Variants in SBNO1 observed in about 807,000 individuals in gnomAD.
SBNO1 encodes the protein protein strawberry notch homolog 1.
Under a neutral mutation model 173.6 loss-of-function variants are expected in SBNO1, and 23 were observed. That is an observed-to-expected ratio of 0.13 (90% CI 0.10 to 0.19). The LOEUF is 0.19. SBNO1 is among the 10% of genes least tolerant of loss of function. The probability of loss-of-function intolerance (pLI) is 1.00; values close to 1 mark genes in which losing one functional copy is unlikely to be tolerated. For synonymous variants in SBNO1, 632 were observed against 571.5 expected, an observed-to-expected ratio of 1.11 and a Z score of -1.51; for missense variants, 1,238 against 1,671.2, an observed-to-expected ratio of 0.74 and a Z score of 4.52.
rs2138965419 is a variant in SBNO1 at position 123,320,722 on chromosome 12, G to A, written c.2468C>T (p.Ser823Leu). Residue 823 changes from serine to leucine, a missense_variant, in exon 18 of 32, where the codon TCA becomes TTA. Ser to Leu is a moderately radical substitution (Grantham distance 145, BLOSUM62 -2). Around this residue, in one of 14 missense-constraint regions of SBNO1, gnomAD observed 74 missense variants for 68.5 expected, o/e 1.08. Coordinates refer to ENST00000602398, the MANE Select transcript of SBNO1 (RefSeq NM_001167856.3). ...RPSFSSTPVI[S>L]PAPNSTPANS... ...ACCTGGTGTACTGTTAGGAGCAGGT[G>A]AGATAACTGGTGTAGATGAAAAACT... 1 of 1,609,498 alleles carries A rather than the reference G, an allele frequency of 6.2e-7. No individual in the cohort carries two copies. Among genetic ancestry groups the A allele is most frequent in the East Asian group, 2.2e-5 (1 of 44,850 alleles).
chr12:123,325,097 C>T (rs1436366995), intron 15 of SBNO1, among the ~76,000 whole-genome samples: 11 of 152,154 alleles, frequency 7.2e-5, no homozygotes, highest in Non-Finnish European at 1.2e-4. Flanking sequence ...AGCTGTGAGC[C>T]ACCATGCTCA....
intron 16 of SBNO1, among the ~76,000 whole-genome samples, chr12:123,322,100 G>A (rs1870046063): frequency 6.6e-6 from 1 of 152,124 alleles, no homozygotes. Flanking sequence ...TTATAGACAT[G>A]GAATACTTAG....
chr12:123,317,706 G>A (rs1407985024), intron 20 of SBNO1, among the ~76,000 whole-genome samples: 1 of 152,266 alleles, frequency 6.6e-6, no homozygotes, highest in South Asian at 2.1e-4. Flanking sequence ...ATAATTTAAT[G>A]AACAACACGG....
intron 1 of SBNO1, among the ~76,000 whole-genome samples, chr12:123,363,149 T>C (rs1027706160): frequency 3.9e-5 from 6 of 151,920 alleles, no homozygotes; most frequent in South Asian, 2.1e-4. Flanking sequence ...GAATGGAAGA[T>C]AAAAAGCAGA....
At chr12:123,364,333 G>A (rs1875829498) in intron 1 of SBNO1, 1 of 985,694 alleles carries the variant, frequency 1.0e-6, no homozygotes, top group Non-Finnish European at 1.2e-6. Flanking sequence ...CCCGGGTTGT[G>A]AGGCGGAAGC....
intron 23 of SBNO1, among the ~76,000 whole-genome samples, chr12:123,314,556 A>G (rs1480384516): frequency 5.3e-5 from 8 of 151,458 alleles, no homozygotes. Flanking sequence ...TCTCGATCTC[A>G]TGACCTCGTG....
intron 1 of SBNO1, among the ~76,000 whole-genome samples, chr12:123,357,709 C>T (rs1330001971): frequency 6.6e-6 from 1 of 151,886 alleles, no homozygotes; most frequent in Non-Finnish European, 1.5e-5. Flanking sequence ...GAGCCGAGGT[C>T]GTGCCACTGC....
chr12:123,348,049 G>A lies in SBNO1; in HGVS notation c.217C>T (p.Pro73Ser). The change falls in exon 3 of 32, where the codon CCA becomes TCA. Residue 73 changes from proline to serine, a missense_variant. Physicochemically the swap from Pro to Ser is moderately conservative, Grantham distance 74. Around this residue, in one of 14 missense-constraint regions of SBNO1, gnomAD observed 287 missense variants for 274.1 expected, o/e 1.05. Transcript: ENST00000602398. ...CTTACCCTCACATTTAATAGTGCTG[G>A]AGTAGGTACAGTCTCTGGTTCTTGT... ...VKQEPETVPT[P>S]ALLNVRQQPP... 6.2e-7 allele frequency: 1 copy of A among 1,604,264 alleles called. No homozygotes were observed. The highest frequency in any genetic ancestry group is 8.5e-7 in the Non-Finnish European group (1 of 1,171,512).
intron 29 of SBNO1, 26 bp downstream of exon 29, chr12:123,304,551 TATATA>T (rs771614694): frequency 3.4e-5 from 49 of 1,452,096 alleles, no homozygotes; most frequent in Middle Eastern, 2.2e-4. Flanking sequence ...TAAGTATTCC[TATATA>T]ATATAATGTA....
At chr12:123,323,529 T>C (rs1870252941) in intron 16 of SBNO1, 151 bp downstream of exon 16, 2 of 405,032 alleles carry the variant, frequency 4.9e-6, no homozygotes, top group African/African-American at 4.3e-5. Context: ...TAATTTTTTG[T>C]ATTTTCAGTA....
At chr12:123,353,261 T>C (rs901668653) in intron 1 of SBNO1, among the ~76,000 whole-genome samples, 14 of 152,190 alleles carry the variant, frequency 9.2e-5, no homozygotes, top group Admixed American at 2.6e-4. Context: ...CTGAGTGAGA[T>C]AGGTAATATA....
intron 10 of SBNO1, 128 bp downstream of exon 10, chr12:123,328,606 T>C: frequency 2.9e-6 from 2 of 682,064 alleles, no homozygotes; most frequent in East Asian, 5.8e-5. Flanking sequence ...CCCTTTGGAC[T>C]CTAGGTAATC....
chr12:123,296,095 C>G lies in SBNO1; in HGVS notation c.4040-45G>C, dbSNP rs564511808. The stretch of plus-strand genomic sequence containing the variant: ...TTTATCAAGTTGTGTCCAGAAGAAA[C>G]CACACTGTACAGCTTCACAGCAGAT... On this transcript the variant is annotated intron_variant, in intron 31 of 31. Transcript: ENST00000602398. The G allele has an allele frequency of 1.7e-5, 21 of 1,262,376 alleles. No homozygotes were observed. The African/African-American group carries it at 2.6e-4, about 16-fold the overall frequency. The allele number at this position is 1,262,376 out of a possible 1,614,324, so 78.2% of individuals were successfully genotyped here.
At chr12:123,346,756 A>T (rs562212773) in intron 3 of SBNO1, among the ~76,000 whole-genome samples, 2 of 152,196 alleles carry the variant, frequency 1.3e-5, no homozygotes, top group East Asian at 3.9e-4. Context: ...CGTGTTATAT[A>T]TCTTCACGTA....
At position 123,330,466 on chromosome 12, in the gene SBNO1, A is replaced by C. The variant is rs769623233; in HGVS notation, c.1087T>G (p.Leu363Val). The change falls in exon 9 of 32, where the codon TTA (leucine) becomes GTA (valine). Residue 363 changes from leucine to valine, a missense_variant. Physicochemically the swap from Leu to Val is conservative, Grantham distance 32. Transcript: ENST00000602398. ...ATGTTTTTTGCTCCAATATCCCTTA[A>C]ATCTCTTTCAGCATCATACTTTAAG... Reference protein sequence around the residue: ...NDLKYDAERDLRDIGAKNILV... With the variant: ...NDLKYDAERDVRDIGAKNILV... The C allele has an allele frequency of 6.2e-7, 1 of 1,605,894 alleles. No individual in the cohort carries two copies. Among genetic ancestry groups the C allele is most frequent in the Non-Finnish European group, 8.5e-7 (1 of 1,176,362 alleles).
chr12:123,299,949 G>A (rs1282279156), intron 30 of SBNO1, among the ~76,000 whole-genome samples: 1 of 152,110 alleles, frequency 6.6e-6, no homozygotes, highest in African/African-American at 2.4e-5. Context: ...TGAAACTACT[G>A]ATACACTGGT....
At chr12:123,331,695 C>G (rs544859227) in intron 7 of SBNO1, among the ~76,000 whole-genome samples, 27 of 151,514 alleles carry the variant, frequency 1.8e-4, no homozygotes, top group African/African-American at 5.1e-4. Flanking sequence ...CTAATTTTTT[C>G]TATTTTTAGT....
intron 21 of SBNO1, 65 bp from the exon 22 acceptor site, chr12:123,315,725 G>A (rs1593349438): frequency 3.4e-6 from 3 of 885,510 alleles, no homozygotes; most frequent in Admixed American, 3.6e-5. Flanking sequence ...ATTCTGAGAT[G>A]TATTCCTAGC....
At position 123,328,981 on chromosome 12, in the gene SBNO1, A is replaced by C. The variant is rs1365698419; in HGVS notation, c.1135-86T>G. ...CCCAACTAAACATTCACAAGCAGGA[A>C]CTCTTGTTAGGCCCATGACAGGCTT... On this transcript the variant is annotated intron_variant, in intron 9 of 31. Coordinates refer to ENST00000602398, the MANE Select transcript of SBNO1 (RefSeq NM_001167856.3). 3 of 777,086 alleles carry C rather than the reference A, an allele frequency of 3.9e-6. No individual in the cohort carries two copies. The African/African-American group carries it at 5.3e-5, about 14-fold the overall frequency. The allele number at this position is 777,086 out of a possible 1,614,324, so 48.1% of individuals were successfully genotyped here.
Sources: allele counts gnomAD v4.1 joint callset (sites outside exome capture counted in the v4.1 genomes callset), GRCh38; gene constraint gnomAD v4.1.1; regional missense constraint gnomAD v4.1.1; transcripts MANE v1.5; gene names NCBI Gene and HGNC (gene_info 2026-07-23, HGNC 2026-07-21).